BMPR1B: variants seen among roughly 807,000 people sequenced by gnomAD.
The protein encoded by BMPR1B is bone morphogenetic protein receptor type 1B, also known as bone morphogenetic protein receptor type-1B.
Under a neutral mutation model 59.1 loss-of-function variants are expected in BMPR1B, and 12 were observed. The observed-to-expected ratio is 0.20, with a 90% confidence interval of 0.13 to 0.33. The LOEUF is 0.33. Among genes scored for constraint, BMPR1B ranks in the 10% least tolerant of loss-of-function variants. The probability of loss-of-function intolerance (pLI) is 1.00; values close to 1 mark genes in which losing one functional copy is unlikely to be tolerated. For missense variants in BMPR1B, 550 were observed against 610.9 expected (o/e 0.90, Z 1.05); for synonymous variants, 237 against 207.3 (o/e 1.14, Z -1.23).
intron 1 of BMPR1B, among the ~76,000 whole-genome samples, chr4:94,834,957 A>T (rs867807984): frequency 0.012 from 1,433 of 115,144 alleles, 22 homozygotes; most frequent in African/African-American, 0.042. Flanking sequence ...TTTTTTTTTT[A>T]AATTTTGAAA....
At chr4:95,026,134 C>CT (rs1553928502) in intron 3 of BMPR1B, among the ~76,000 whole-genome samples, 1 of 147,612 alleles carries the variant, frequency 6.8e-6, no homozygotes, top group African/African-American at 2.5e-5. Flanking sequence ...TTCTTTCTTT[C>CT]TTTCTTTCTT....
At chr4:95,005,887 A>G (rs909654208) in intron 3 of BMPR1B, among the ~76,000 whole-genome samples, 1 of 152,234 alleles carries the variant, frequency 6.6e-6, no homozygotes, top group Non-Finnish European at 1.5e-5. Flanking sequence ...GTAAAACTGC[A>G]ATTAGCATCT....
intron 3 of BMPR1B, among the ~76,000 whole-genome samples, chr4:95,046,052 A>G (rs946991916): frequency 6.6e-6 from 1 of 152,138 alleles, no homozygotes; most frequent in African/African-American, 2.4e-5. Flanking sequence ...ATTTGAATAA[A>G]TATTTAGTTT....
chr4:94,862,740 TC>T (rs1336747309), intron 1 of BMPR1B, among the ~76,000 whole-genome samples: 8 of 151,078 alleles, frequency 5.3e-5, no homozygotes, highest in Admixed American at 1.3e-4. Context: ...GGTCAGGAGA[TC>T]GAGACCATCC....
At chr4:94,968,553 T>C (rs547166986) in intron 2 of BMPR1B, among the ~76,000 whole-genome samples, 72 of 152,276 alleles carry the variant, frequency 4.7e-4, no homozygotes, top group African/African-American at 1.7e-3. Flanking sequence ...TGGGGGAATA[T>C]TGGAGAAGCA....
chr4:94,853,001 A>G (rs192696630), intron 1 of BMPR1B, among the ~76,000 whole-genome samples: 366 of 152,284 alleles, frequency 2.4e-3, no homozygotes, highest in Middle Eastern at 0.01. Flanking sequence ...CTTAATAGCC[A>G]TATTTTATGT....
rs1383727428 is a variant in BMPR1B, at chr4:95,087,751, AAG to A, written c.-17-16655_-17-16654del. On this transcript the variant is annotated intron_variant, in intron 3 of 12. Transcript: ENST00000515059. ...TGTCTCAAAAAAAATAAATAAATAA[AAG>A]AAAGAAAAGAAATGATCTCTCCTCA... 2.0e-5 allele frequency among the ~76,000 whole-genome samples: 3 copies of A among 152,190 alleles called. No homozygotes were observed. In the East Asian group the frequency reaches 5.8e-4, roughly 29 times the overall value.
At chr4:95,083,978 C>G (rs1165557987) in intron 3 of BMPR1B, among the ~76,000 whole-genome samples, 1 of 152,090 alleles carries the variant, frequency 6.6e-6, no homozygotes, top group African/African-American at 2.4e-5. Context: ...CAACTATTCA[C>G]TTTTGGCTGT....
chr4:95,096,749 A>ACATAGTTATATATAACTATG (rs1730411708), intron 3 of BMPR1B, among the ~76,000 whole-genome samples: 1 of 18,134 alleles, frequency 5.5e-5, no homozygotes, highest in Admixed American at 5.9e-4. Flanking sequence ...ATATAACTAT[A>ACATAGTTATATATAACTATG]TATAGTTATA....
chr4:94,796,151 G>A (rs543453639), intron 1 of BMPR1B, among the ~76,000 whole-genome samples: 76 of 152,070 alleles, frequency 5.0e-4, no homozygotes, highest in Middle Eastern at 3.4e-3. Flanking sequence ...TTTCACTAGA[G>A]ATGGGGTTTC....
chr4:95,125,841 A>G (rs1376597143), intron 8 of BMPR1B, among the ~76,000 whole-genome samples: 1 of 152,132 alleles, frequency 6.6e-6, no homozygotes, highest in Non-Finnish European at 1.5e-5. Flanking sequence ...CTAATACCCA[A>G]TACTGCTTGC....
chr4:95,032,897 G>A (rs1724981093), intron 3 of BMPR1B, among the ~76,000 whole-genome samples: 1 of 152,088 alleles, frequency 6.6e-6, no homozygotes, highest in South Asian at 2.1e-4. Context: ...TTGAGAAACT[G>A]CCATACTATT....
In BMPR1B at chr4:95,051,600, A is replaced by T; in HGVS notation, c.-17-52808A>T. On this transcript the variant is annotated intron_variant, in intron 3 of 12. Transcript: ENST00000515059. ...GGGTTGCTGGCAGGCTTGCGAGAAGATCTGACAAGAGTGGCAGCAGAGGCG... is the reference window on the plus strand; with the variant it reads ...GGGTTGCTGGCAGGCTTGCGAGAAGTTCTGACAAGAGTGGCAGCAGAGGCG... 1.8e-6 allele frequency: 2 copies of T among 1,131,876 alleles called. 1 individual carries two copies. The highest frequency in any genetic ancestry group is 2.8e-5 in the South Asian group (2 of 70,382). The allele number at this position is 1,131,876 out of a possible 1,614,324, so 70.1% of individuals were successfully genotyped here.
intron 1 of BMPR1B, among the ~76,000 whole-genome samples, chr4:94,830,102 C>A (rs1442328346): frequency 1.3e-5 from 2 of 152,012 alleles, no homozygotes; most frequent in African/African-American, 4.8e-5. Flanking sequence ...ATATTTAGGT[C>A]ATCATAGAAA....
chr4:94,774,841 C>T (rs914322608), intron 1 of BMPR1B, among the ~76,000 whole-genome samples: 6 of 151,726 alleles, frequency 4.0e-5, no homozygotes, highest in African/African-American at 1.5e-4. Flanking sequence ...AATATAGAAC[C>T]CAAAAGATGC....
At chr4:94,853,467 T>C (rs1408478963) in intron 1 of BMPR1B, among the ~76,000 whole-genome samples, 3 of 152,230 alleles carry the variant, frequency 2.0e-5, no homozygotes, top group Non-Finnish European at 4.4e-5. Context: ...TCATAAAATA[T>C]ATTCTCTCCA....
intron 1 of BMPR1B, among the ~76,000 whole-genome samples, chr4:94,762,678 T>C (rs1438678102): frequency 6.6e-6 from 1 of 152,178 alleles, no homozygotes; most frequent in African/African-American, 2.4e-5. Context: ...TGAACAAATA[T>C]GATTTAGCAT....
intron 7 of BMPR1B, 39 bp downstream of exon 7, chr4:95,123,945 T>C (rs1732720360): frequency 7.1e-7 from 1 of 1,404,412 alleles, no homozygotes; most frequent in African/African-American, 1.4e-5. Context: ...TTTTAATTTA[T>C]AGTGTCTTCT....
At chr4:94,838,931 A>T (rs988914745) in intron 1 of BMPR1B, among the ~76,000 whole-genome samples, 1 of 139,188 alleles carries the variant, frequency 7.2e-6, no homozygotes, top group Non-Finnish European at 1.6e-5. Flanking sequence ...ACTGCTTTGA[A>T]TGCGTCCCAG....
Sources: allele counts gnomAD v4.1 joint callset (sites outside exome capture counted in the v4.1 genomes callset), GRCh38; gene constraint gnomAD v4.1.1; transcripts MANE v1.5; gene names NCBI Gene and HGNC (gene_info 2026-07-23, HGNC 2026-07-21).